Variants in HUWE1 observed in about 807,000 individuals in gnomAD.
The protein encoded by HUWE1 is HECT, UBA and WWE domain containing E3 ubiquitin protein ligase 1.
Under a neutral mutation model 299.4 loss-of-function variants are expected in HUWE1, and 18 were observed. The ratio of observed to expected loss-of-function variants is 0.06; its 90% CI spans 0.04 to 0.09. The LOEUF (loss-of-function observed/expected upper bound fraction) is 0.09, where lower values mean the gene tolerates loss of function less well. HUWE1 is among the 10% of genes least tolerant of loss of function. The pLI is 1.00. For synonymous variants in HUWE1, 1,317 were observed against 1,286.1 expected, an observed-to-expected ratio of 1.02 and a Z score of -0.51; for missense variants, 1,832 against 3,462.3, an observed-to-expected ratio of 0.53 and a Z score of 11.82.
intron 24 of HUWE1, among the ~76,000 whole-genome samples, chrX:53,608,196 G>A (rs1556998659): frequency 9.0e-6 from 1 of 111,703 alleles, no homozygotes; most frequent in Admixed American, 9.5e-5. Context: ...TAAACACACA[G>A]GCACAAGACA....
At chrX:53,557,276 A>G (rs782450460) in intron 60 of HUWE1, 106 bp downstream of exon 60, 3 of 661,493 alleles carry the variant, frequency 4.5e-6, no homozygotes, top group Non-Finnish European at 7.6e-6. Flanking sequence ...CATCCCACAG[A>G]GCACCAGTGT....
chrX:53,552,767 G>T lies in HUWE1; in HGVS notation c.8621C>A (p.Thr2874Asn), dbSNP rs372523003. Residue 2874 changes from threonine to asparagine, a missense_variant, in exon 62 of 84, where the codon ACT becomes AAT. Coordinates refer to ENST00000262854, the MANE Select transcript of HUWE1 (RefSeq NM_031407.7). ...SCTLEEAVGD[T>N]SAAGSSEQPR... ...CTGCTCAGAACTGCCAGCTGCTGAAGTGTCACCCACAGCCTCCTCTAAGGT... is the reference window on the plus strand; with the variant it reads ...CTGCTCAGAACTGCCAGCTGCTGAATTGTCACCCACAGCCTCCTCTAAGGT... The T allele has an allele frequency of 8.3e-7, 1 of 1,211,928 alleles. No homozygotes were observed. Among genetic ancestry groups the T allele is most frequent in the East Asian group, 3.0e-5 (1 of 33,804 alleles).
intron 7 of HUWE1, among the ~76,000 whole-genome samples, chrX:53,641,598 A>G (rs1557031199): frequency 8.9e-6 from 1 of 111,901 alleles, no homozygotes; most frequent in African/African-American, 3.2e-5. Flanking sequence ...CAACACCATA[A>G]AGTAATCACA....
chrX:53,609,149 G>A (rs782608067), intron 23 of HUWE1, among the ~76,000 whole-genome samples: 6 of 111,082 alleles, frequency 5.4e-5, no homozygotes, highest in Admixed American at 9.6e-5. Context: ...CTCATATACC[G>A]CAGGAAAAAA....
At chrX:53,573,517 A>T (rs782280736) in intron 47 of HUWE1, among the ~76,000 whole-genome samples, 159 of 112,467 alleles carry the variant, frequency 1.4e-3, no homozygotes, top group Middle Eastern at 0.014. Flanking sequence ...CATGTTGGCC[A>T]GGCTGATCTC....
chrX:53,541,046 T>C (rs2061322587), intron 74 of HUWE1, among the ~76,000 whole-genome samples: 1 of 111,992 alleles, frequency 8.9e-6, no homozygotes, highest in African/African-American at 3.2e-5. Flanking sequence ...AGGATAACAA[T>C]GGTTGTCCTA....
rs782356147 is a variant in HUWE1, at chrX:53,586,688, A to G, written c.4742+94T>C. Reference sequence around the variant, plus strand: ...ATTTTAAAACTACAGAAGTACCACAAATTTGCCCCATACATGCCCCAGAAG... The same window carrying G: ...ATTTTAAAACTACAGAAGTACCACAGATTTGCCCCATACATGCCCCAGAAG... On this transcript the variant is annotated intron_variant, in intron 38 of 83. Coordinates refer to ENST00000262854, the MANE Select transcript of HUWE1 (RefSeq NM_031407.7). 242 of 1,111,088 alleles carry G rather than the reference A, an allele frequency of 2.2e-4. No individual in the cohort carries two copies. The East Asian group carries it at 5.0e-3, about 23-fold the overall frequency. The allele number at this position is 1,111,088 out of a possible 1,213,427, so 91.6% of individuals were successfully genotyped here. A position where few individuals can be genotyped will look rare whatever the true frequency, so the allele number is the denominator to read the frequency against.
At chrX:53,626,069 A>G (rs1557017519) in intron 17 of HUWE1, 1 of 362,874 alleles carries the variant, frequency 2.8e-6, no homozygotes, top group South Asian at 2.7e-5. Context: ...AACTTACTAG[A>G]ATAAAAGGTA....
rs1055667977 is a variant in HUWE1 at position 53,533,050 on chromosome X, C to T, written c.*259G>A. On this transcript the variant is annotated 3_prime_UTR_variant, in exon 84 of 84. Transcript: ENST00000262854. ...GACAGACAGGTCCCTGCAAAGGCTACTGCCTTTTTAAAACACATGGGGTGG... is the reference window on the plus strand; with the variant it reads ...GACAGACAGGTCCCTGCAAAGGCTATTGCCTTTTTAAAACACATGGGGTGG... The T allele has an allele frequency of 2.5e-6, 1 of 393,287 alleles. No individual in the cohort carries two copies. The highest frequency in any genetic ancestry group is 4.5e-6 in the Non-Finnish European group (1 of 222,997). The allele number at this position is 393,287 out of a possible 1,213,427, so 32.4% of individuals were successfully genotyped here.
At position 53,656,586 on chromosome X, in the gene HUWE1, G is replaced by A. The variant is rs145111301; in HGVS notation, c.-24-2455C>T. Reference sequence around the variant, plus strand: ...AGAAAAATCAAAGCTCTAAATACATGGAGAGATCTAAGACTCTAGTAAAGA... The same window carrying A: ...AGAAAAATCAAAGCTCTAAATACATAGAGAGATCTAAGACTCTAGTAAAGA... On this transcript the variant is annotated intron_variant, in intron 3 of 83. Coordinates refer to ENST00000262854, the MANE Select transcript of HUWE1 (RefSeq NM_031407.7). Among the ~76,000 whole-genome samples the A allele has an allele frequency of 2.8e-3, 302 of 107,428 alleles. 1 individual carries two copies. Among genetic ancestry groups the A allele is most frequent in the Non-Finnish European group, 4.9e-3 (254 of 52,166 alleles). The allele number at this position is 107,428 out of a possible 115,157, so 93.3% of individuals were successfully genotyped here. A position where few individuals can be genotyped will look rare whatever the true frequency, so the allele number is the denominator to read the frequency against.
chrX:53,535,234 G>A, intron 81 of HUWE1, 150 bp downstream of exon 81: 2 of 502,760 alleles, frequency 4.0e-6, no homozygotes, highest in African/African-American at 2.3e-5. Flanking sequence ...CGTGCCCAAA[G>A]TTAAGTATTT....
intron 27 of HUWE1, 116 bp from the exon 28 acceptor site, chrX:53,602,774 A>G: frequency 2.4e-6 from 1 of 423,003 alleles, no homozygotes; most frequent in African/African-American, 2.5e-5. Context: ...CTCCTATAGC[A>G]GGCAGGTTAA....
At chrX:53,592,749 CCAACA>C (rs1173299984) in intron 32 of HUWE1, 121 bp from the exon 33 acceptor site, 22 of 547,936 alleles carry the variant, frequency 4.0e-5, no homozygotes, top group Non-Finnish European at 6.9e-5. Context: ...AAATAATTGG[CCAACA>C]TGAGGAGGTC....
At chrX:53,537,832 G>T in intron 77 of HUWE1, 136 bp from the exon 78 acceptor site, 1 of 663,792 alleles carries the variant, frequency 1.5e-6, no homozygotes, top group Non-Finnish European at 2.2e-6. Context: ...ACCTGTTTGG[G>T]AAATGCCCAG....
intron 74 of HUWE1, among the ~76,000 whole-genome samples, chrX:53,541,152 C>T (rs1025763472): frequency 3.6e-5 from 4 of 112,255 alleles, no homozygotes; most frequent in African/African-American, 1.3e-4. Flanking sequence ...TAGCATTCAT[C>T]GTGTGCTTCT....
At position 53,595,360 on chromosome X, in the gene HUWE1, A is replaced by G; in HGVS notation, c.3207T>C (p.Leu1069=). The G allele has an allele frequency of 8.3e-7, 1 of 1,211,379 alleles. No homozygotes were observed. Among genetic ancestry groups the G allele is most frequent in the Non-Finnish European group, 1.1e-6 (1 of 895,293 alleles). Residue 1069 remains leucine, a synonymous_variant, in exon 30 of 84, where the codon CTT becomes CTC. Coordinates refer to ENST00000262854, the MANE Select transcript of HUWE1 (RefSeq NM_031407.7). ...GAGATCCCACACAAAGTTTAACAAG[A>G]AGTCCAAATAGCTCAGCAAGTGCTC... ...LGRALAELFG[L]LVKLCVGSPV...
intron 6 of HUWE1, among the ~76,000 whole-genome samples, chrX:53,646,074 G>A (rs1027412816): frequency 1.4e-4 from 16 of 110,544 alleles, no homozygotes; most frequent in Non-Finnish European, 2.5e-4. Context: ...TAAAGATATC[G>A]ATAACAGCTC....
chrX:53,536,063 C>T (rs1297943366), intron 80 of HUWE1, 84 bp downstream of exon 80: 1 of 584,229 alleles, frequency 1.7e-6, no homozygotes, highest in Non-Finnish European at 3.0e-6. Flanking sequence ...ATGAGAAGGT[C>T]ACGCAGTGCT....
chrX:53,547,881 A>G lies in HUWE1; in HGVS notation c.10428T>C (p.Ser3476=). 3.3e-6 allele frequency: 4 copies of G among 1,209,781 alleles called. No homozygotes were observed. Among genetic ancestry groups the G allele is most frequent in the Non-Finnish European group, 4.5e-6 (4 of 894,473 alleles). Reference sequence around the variant, plus strand: ...TGGTGGTGGAGGAAGCACCGCTGCCAGAATTAGCCTGTGCTTCTGACACCT... The same window carrying G: ...TGGTGGTGGAGGAAGCACCGCTGCCGGAATTAGCCTGTGCTTCTGACACCT... ...ENKVSEAQAN[S]GSGASSTTTA... Residue 3476 remains serine, a synonymous_variant, in exon 68 of 84, where the codon TCT becomes TCC. Coordinates refer to ENST00000262854, the MANE Select transcript of HUWE1 (RefSeq NM_031407.7).
Sources: allele counts gnomAD v4.1 joint callset (sites outside exome capture counted in the v4.1 genomes callset), GRCh38; gene constraint gnomAD v4.1.1; transcripts MANE v1.5; gene names NCBI Gene and HGNC (gene_info 2026-07-23, HGNC 2026-07-21).